Variants in ACKR3 observed in about 807,000 individuals in gnomAD.
ACKR3 encodes atypical chemokine receptor 3, also known as C-X-C chemokine receptor type 7.
In ACKR3, 6 loss-of-function variants were observed where a neutral mutation model predicts 22.4. The ratio of observed to expected loss-of-function variants is 0.27; its 90% confidence interval spans 0.15 to 0.53. ACKR3 has a LOEUF of 0.53. Ranked by LOEUF, ACKR3 falls within the 20% of genes least tolerant of loss-of-function variation. ACKR3 has a pLI of 0.96. For missense variants in ACKR3, 396 were observed against 475.2 expected (o/e 0.83, Z 1.55); for synonymous variants, 209 against 205.2 (o/e 1.02, Z -0.16).
rs925615829 is a variant in ACKR3, at chr2:236,574,388, G to A, written c.-27+4464G>A. ...GACTTGGTGGGGGGTGCGGGGCCTG[G>A]TAGGAATGAGGTGGAGGGGCAAGAA... On this transcript the variant is annotated intron_variant, in intron 1 of 1. Transcript: ENST00000272928. This position sits in a 1 kb window ranked among gnomAD's most constrained non-coding sequence, Gnocchi z 5.6. 1.3e-5 allele frequency among the ~76,000 whole-genome samples: 2 copies of A among 152,138 alleles called. No homozygotes were observed. The highest frequency in any genetic ancestry group is 2.9e-5 in the Non-Finnish European group (2 of 68,018).
chr2:236,538,698 CG>C, the ACKR3 span, among the ~76,000 whole-genome samples: 2 of 152,088 alleles, frequency 1.3e-5, no homozygotes, highest in Non-Finnish European at 2.9e-5. Context: ...AGTGTAGGCA[CG>C]GTTGCCAGAT....
At position 236,580,435 on chromosome 2, in the gene ACKR3, C is replaced by T. The variant is rs551945062; in HGVS notation, c.-26-5C>T. ...ATCTTTTTTGTTTGCTTGGTTTTCTCATAGGTCATTTGATTGCCCGCCTCA... is the reference window on the plus strand; with the variant it reads ...ATCTTTTTTGTTTGCTTGGTTTTCTTATAGGTCATTTGATTGCCCGCCTCA... On this transcript the variant is annotated splice_polypyrimidine_tract_variant and splice_region_variant and intron_variant, in intron 1 of 1. Coordinates refer to ENST00000272928, the MANE Select transcript of ACKR3 (RefSeq NM_020311.3). 7 of 1,587,204 alleles carry T rather than the reference C, an allele frequency of 4.4e-6. No homozygotes were observed. Among genetic ancestry groups the T allele is most frequent in the African/African-American group, 4.0e-5 (3 of 74,214 alleles).
At chr2:236,546,250 C>G in the ACKR3 span, among the ~76,000 whole-genome samples, 2 of 152,134 alleles carry the variant, frequency 1.3e-5, no homozygotes, top group Non-Finnish European at 2.9e-5. This position sits in a 1 kb window ranked among gnomAD's most constrained non-coding sequence, Gnocchi z 4.9. Flanking sequence ...GACAGGTGTG[C>G]CCCTGGGGGA....
the ACKR3 span, among the ~76,000 whole-genome samples, chr2:236,537,390 G>A: frequency 6.6e-6 from 1 of 152,166 alleles, no homozygotes; most frequent in Admixed American, 6.5e-5. Flanking sequence ...TGTTACCAGG[G>A]CTCCATGAAT....
At chr2:236,568,023 C>T (rs1691224792), upstream of ACKR3, among the ~76,000 whole-genome samples, 1 of 152,116 alleles carries the variant, frequency 6.6e-6, no homozygotes, top group Non-Finnish European at 1.5e-5. Flanking sequence ...TGCAAGGCGG[C>T]CTCGTGGATT....
At chr2:236,564,115 C>G (rs945133689), upstream of ACKR3, among the ~76,000 whole-genome samples, 4 of 151,982 alleles carry the variant, frequency 2.6e-5, no homozygotes, top group Non-Finnish European at 5.9e-5. Flanking sequence ...TCTGCAAAAA[C>G]CCCCTCTCGG....
At chr2:236,558,251 T>C in the ACKR3 span, among the ~76,000 whole-genome samples, 165 of 152,282 alleles carry the variant, frequency 1.1e-3, no homozygotes, top group Middle Eastern at 3.4e-3. Context: ...TAGTAGCCTA[T>C]GGGCCGCTGC....
rs145791804 is a variant in ACKR3 at position 236,574,100 on chromosome 2, C to T, written c.-27+4176C>T. Among the ~76,000 whole-genome samples the T allele has an allele frequency of 7.2e-5, 11 of 151,912 alleles. No individual in the cohort carries two copies. The highest frequency in any genetic ancestry group is 1.9e-4 in the African/African-American group (8 of 41,420). On this transcript the variant is annotated intron_variant, in intron 1 of 1. Transcript: ENST00000272928. This position sits in a 1 kb window ranked among gnomAD's most constrained non-coding sequence, Gnocchi z 5.6. Reference sequence around the variant, plus strand: ...CCTGCGTGCCTTCCCAATTAGCCGGCGGGGTCTCGGGGGTTGGGGGGAGAT... The same window carrying T: ...CCTGCGTGCCTTCCCAATTAGCCGGTGGGGTCTCGGGGGTTGGGGGGAGAT...
chr2:236,559,552 T>C, the ACKR3 span, among the ~76,000 whole-genome samples: 2 of 152,242 alleles, frequency 1.3e-5, no homozygotes, highest in African/African-American at 4.8e-5. Flanking sequence ...CTTAGAACTG[T>C]ACCTAAATAG....
At chr2:236,551,132 C>A in the ACKR3 span, among the ~76,000 whole-genome samples, 1 of 152,210 alleles carries the variant, frequency 6.6e-6, no homozygotes, top group African/African-American at 2.4e-5. Flanking sequence ...TCACACTTCC[C>A]GAGGGCAGGG....
At chr2:236,556,335 C>T in the ACKR3 span, among the ~76,000 whole-genome samples, 4 of 152,074 alleles carry the variant, frequency 2.6e-5, no homozygotes, top group African/African-American at 9.7e-5. Context: ...CCAGAGAGGT[C>T]CACATCTTGA....
rs1384521849 is a variant in ACKR3, at chr2:236,574,503, G to C, written c.-27+4579G>C. ...AAGGTGGGAGAATCAGAAGGGCAGA[G>C]GGCATCAGTTGGGAAGAGTCTGTGG... is the stretch of plus-strand genomic sequence containing the variant. On this transcript the variant is annotated intron_variant, in intron 1 of 1. Transcript: ENST00000272928. The surrounding 1 kb of genome is among the most constrained non-coding windows in gnomAD (Gnocchi z 5.6). 6.6e-6 allele frequency among the ~76,000 whole-genome samples: 1 copy of C among 152,136 alleles called. No homozygotes were observed. Among genetic ancestry groups the C allele is most frequent in the Non-Finnish European group, 1.5e-5 (1 of 68,028 alleles).
chr2:236,539,566 G>C, the ACKR3 span, among the ~76,000 whole-genome samples: 1 of 152,040 alleles, frequency 6.6e-6, no homozygotes, highest in Non-Finnish European at 1.5e-5. Flanking sequence ...ACCTGCCTCA[G>C]CCTCCCAAAA....
chr2:236,560,316 C>CTTTTTTTTTTT, the ACKR3 span, among the ~76,000 whole-genome samples: 4 of 118,912 alleles, frequency 3.4e-5, no homozygotes, highest in Non-Finnish European at 3.4e-5. Flanking sequence ...CACTTGTTGC[C>CTTTTTTTTTTT]TTTTTTTTTT....
chr2:236,570,517 G>A (rs548102158), intron 1 of ACKR3, among the ~76,000 whole-genome samples: 5 of 152,162 alleles, frequency 3.3e-5, no homozygotes, highest in African/African-American at 4.8e-5. Context: ...AGCTATAAAC[G>A]TGAATGTTAA....
rs1279454694 is a variant in ACKR3, at chr2:236,577,154, T to A, written c.-26-3286T>A. 6.6e-6 allele frequency among the ~76,000 whole-genome samples: 1 copy of A among 152,052 alleles called. No individual in the cohort carries two copies. The highest frequency in any genetic ancestry group is 1.5e-5 in the Non-Finnish European group (1 of 67,992). ...TTGAGGATCGGTGATCGGTGAGTGATGATAGGTGGCCGGTGATCGGTGGGG... is the reference window on the plus strand; with the variant it reads ...TTGAGGATCGGTGATCGGTGAGTGAAGATAGGTGGCCGGTGATCGGTGGGG... On this transcript the variant is annotated intron_variant, in intron 1 of 1. Coordinates refer to ENST00000272928, the MANE Select transcript of ACKR3 (RefSeq NM_020311.3). This position sits in a 1 kb window ranked among gnomAD's most constrained non-coding sequence, Gnocchi z 5.6.
the ACKR3 span, among the ~76,000 whole-genome samples, chr2:236,542,502 CTG>C: frequency 6.6e-6 from 1 of 152,138 alleles, no homozygotes; most frequent in African/African-American, 2.4e-5. Flanking sequence ...CCTGGGGACA[CTG>C]TATTAATTTG....
upstream of ACKR3, among the ~76,000 whole-genome samples, chr2:236,568,731 T>C (rs1691242964): frequency 6.6e-6 from 1 of 152,236 alleles, no homozygotes; most frequent in Admixed American, 6.5e-5. Flanking sequence ...GACTTTGACC[T>C]CCCAGTCCCC....
chr2:236,543,872 G>A, the ACKR3 span, among the ~76,000 whole-genome samples: 5 of 143,278 alleles, frequency 3.5e-5, no homozygotes, highest in East Asian at 2.1e-4. Context: ...TTATATCCAC[G>A]AATTGAATTG....
Sources: gnomAD v4.1 joint callset for allele counts (sites outside exome capture counted in the v4.1 genomes callset) on GRCh38, gnomAD v4.1.1 for gene constraint, Gnocchi (gnomAD v3.1) non-coding constraint, MANE v1.5 for transcripts, NCBI Gene and HGNC (gene_info 2026-07-23, HGNC 2026-07-21) for gene names.